The following STK39 variants were observed in gnomAD, a reference collection of about 807,000 sequenced individuals.
The protein encoded by STK39 is STE20/SPS1-related proline-alanine-rich protein kinase.
STK39 carries 20 observed loss-of-function variants against 77.8 expected under a neutral mutation model. The observed-to-expected ratio is 0.26, with a 90% CI of 0.18 to 0.37. STK39 has a LOEUF of 0.37. STK39 is among the 10% of genes least tolerant of loss of function. STK39 has a pLI of 1.00. For synonymous variants in STK39, 246 were observed against 234.1 expected, an observed-to-expected ratio of 1.05 and a Z score of -0.47; for missense variants, 479 against 656.5, an observed-to-expected ratio of 0.73 and a Z score of 2.95.
intron 16 of STK39, among the ~76,000 whole-genome samples, chr2:167,979,782 G>C (rs1202552539): frequency 1.3e-5 from 2 of 152,138 alleles, no homozygotes; most frequent in African/African-American, 4.8e-5. Flanking sequence ...TAAATGTGTA[G>C]GTCATGAGTT....
intron 5 of STK39, among the ~76,000 whole-genome samples, chr2:168,155,169 A>G (rs3820870): frequency 0.41 from 61,918 of 151,892 alleles, 14,401 homozygotes; most frequent in East Asian, 0.67. Context: ...TTCCAGCAGG[A>G]GAGTAGAGCA....
chr2:168,069,642 T>C (rs1685888007), intron 12 of STK39, among the ~76,000 whole-genome samples: 2 of 152,246 alleles, frequency 1.3e-5, no homozygotes, highest in Non-Finnish European at 2.9e-5. Flanking sequence ...TGGATTCCAG[T>C]CTGGACTTCT....
chr2:168,210,013 T>TAGGAAAGAA (rs1689845721), intron 1 of STK39, among the ~76,000 whole-genome samples: 1 of 42,414 alleles, frequency 2.4e-5, no homozygotes, highest in Non-Finnish European at 4.6e-5. Context: ...AAAAAAAAAA[T>TAGGAAAGAA]AGGAAAGAAA....
At chr2:168,123,498 G>A (rs1441501449) in intron 10 of STK39, among the ~76,000 whole-genome samples, 2 of 152,114 alleles carry the variant, frequency 1.3e-5, no homozygotes, top group Non-Finnish European at 1.5e-5. Flanking sequence ...AAAATAAAGA[G>A]TAAGAGAAAA....
intron 1 of STK39, among the ~76,000 whole-genome samples, chr2:168,222,778 A>T (rs1245837296): frequency 6.6e-6 from 1 of 152,168 alleles, no homozygotes; most frequent in Admixed American, 6.5e-5. Flanking sequence ...TAGCCATACC[A>T]ATGGAGGGGT....
At chr2:168,205,767 C>A (rs1689725673) in intron 1 of STK39, among the ~76,000 whole-genome samples, 1 of 151,948 alleles carries the variant, frequency 6.6e-6, no homozygotes, top group Non-Finnish European at 1.5e-5. Flanking sequence ...TGCAGTAAGC[C>A]ATGATGGTAC....
At chr2:168,172,841 T>C (rs1688862429) in intron 2 of STK39, among the ~76,000 whole-genome samples, 1 of 152,206 alleles carries the variant, frequency 6.6e-6, no homozygotes, top group Non-Finnish European at 1.5e-5. Context: ...GCTCCAAAAT[T>C]GTATGCAGTT....
intron 10 of STK39, among the ~76,000 whole-genome samples, chr2:168,101,569 C>G (rs1027501837): frequency 6.6e-6 from 1 of 151,944 alleles, no homozygotes; most frequent in Non-Finnish European, 1.5e-5. Flanking sequence ...GAAACCCCAT[C>G]TCTACTAAAC....
chr2:168,092,838 G>C (rs1559093353), intron 10 of STK39, among the ~76,000 whole-genome samples: 1 of 152,124 alleles, frequency 6.6e-6, no homozygotes, highest in African/African-American at 2.4e-5. Context: ...AAGGGCAAAA[G>C]GCACTCAGAA....
chr2:168,247,445 G>A lies in STK39; in HGVS notation c.-10C>T, dbSNP rs2105292296. 2.3e-6 allele frequency: 3 copies of A among 1,298,262 alleles called. No homozygotes were observed. In the East Asian group the frequency reaches 1.1e-4, roughly 47 times the overall value. The allele number at this position is 1,298,262 out of a possible 1,614,324, so 80.4% of individuals were successfully genotyped here. ...CGCTCGGCTCCGCCATGATGCTGCG[G>A]AGGAGAGCAGGAGGACGCGCCGGCC... On this transcript the variant is annotated 5_prime_UTR_variant, in exon 1 of 18. Transcript: ENST00000355999.
intron 15 of STK39, among the ~76,000 whole-genome samples, chr2:168,014,009 C>T (rs1684342873): frequency 6.7e-6 from 1 of 150,330 alleles, no homozygotes; most frequent in Non-Finnish European, 1.5e-5. Context: ...ACACCTTACA[C>T]TTTATACTTC....
chr2:168,140,434 T>C (rs1263165566), intron 6 of STK39, 44 bp from the exon 7 acceptor site: 12 of 1,510,160 alleles, frequency 7.9e-6, no homozygotes, highest in South Asian at 1.1e-5. Flanking sequence ...ACAGCAGGCA[T>C]GTTACACATC....
chr2:168,008,174 ATC>A (rs1389659439), intron 16 of STK39, among the ~76,000 whole-genome samples: 1 of 152,146 alleles, frequency 6.6e-6, no homozygotes, highest in Non-Finnish European at 1.5e-5. Context: ...CTTTACCTGG[ATC>A]TCTGGCTGTT....
At chr2:168,202,771 A>AAG (rs1216549902) in intron 1 of STK39, among the ~76,000 whole-genome samples, 1 of 152,182 alleles carries the variant, frequency 6.6e-6, no homozygotes, top group African/African-American at 2.4e-5. Flanking sequence ...TAAAAAAAAA[A>AAG]AGAGAGTAAA....
chr2:168,177,466 A>G (rs1688982926), intron 2 of STK39, among the ~76,000 whole-genome samples: 1 of 152,200 alleles, frequency 6.6e-6, no homozygotes, highest in African/African-American at 2.4e-5. Context: ...TTTAAAGTCT[A>G]AAAGTCATAA....
intron 10 of STK39, among the ~76,000 whole-genome samples, chr2:168,089,387 G>A (rs767155788): frequency 1.3e-5 from 2 of 152,042 alleles, no homozygotes; most frequent in African/African-American, 4.8e-5. Flanking sequence ...CAAACAACAT[G>A]GAAGCAGATA....
chr2:168,193,297 C>T (rs1399025096), intron 1 of STK39, among the ~76,000 whole-genome samples: 2 of 152,106 alleles, frequency 1.3e-5, no homozygotes, highest in Non-Finnish European at 2.9e-5. Context: ...AGAAGTCTTT[C>T]TTCCCCCCCC....
chr2:167,994,794 TG>T (rs1683790943), intron 16 of STK39, among the ~76,000 whole-genome samples: 1 of 152,204 alleles, frequency 6.6e-6, no homozygotes, highest in Non-Finnish European at 1.5e-5. Flanking sequence ...CAGAAAGAGT[TG>T]GTTTTAGTTT....
chr2:168,240,921 G>A (rs1285859677), intron 1 of STK39, among the ~76,000 whole-genome samples: 1 of 152,198 alleles, frequency 6.6e-6, no homozygotes, highest in African/African-American at 2.4e-5. Context: ...ACCCTGCAGA[G>A]AGCAGAGAAA....
Sources: gnomAD v4.1 joint callset for allele counts (sites outside exome capture counted in the v4.1 genomes callset) on GRCh38, gnomAD v4.1.1 for gene constraint, MANE v1.5 for transcripts, NCBI Gene and HGNC (gene_info 2026-07-23, HGNC 2026-07-21) for gene names.